PTCHD4: variants seen among roughly 807,000 people sequenced by gnomAD.
PTCHD4 encodes the protein patched domain-containing protein 4.
PTCHD4 carries 33 observed loss-of-function variants against 58.1 expected under a neutral mutation model. The observed-to-expected ratio is 0.57, with a 90% CI of 0.43 to 0.76. The LOEUF (loss-of-function observed/expected upper bound fraction) is 0.76. Ranked by LOEUF, PTCHD4 falls within the 30% of genes least tolerant of loss-of-function variation. The pLI is 0.00. For synonymous variants in PTCHD4, 478 were observed against 409.6 expected, an observed-to-expected ratio of 1.17 and a Z score of -2.02; for missense variants, 1,058 against 1,027.1, an observed-to-expected ratio of 1.03 and a Z score of -0.41.
chr6:47,971,374 C>T (rs188401205), intron 4 of PTCHD4, among the ~76,000 whole-genome samples: 4 of 152,092 alleles, frequency 2.6e-5, no homozygotes, highest in East Asian at 1.9e-4. Flanking sequence ...ATGTGAAGGT[C>T]GTCCAAATTG....
intron 4 of PTCHD4, among the ~76,000 whole-genome samples, chr6:47,884,709 G>C (rs1452146280): frequency 6.6e-6 from 1 of 152,184 alleles, no homozygotes; most frequent in Non-Finnish European, 1.5e-5. Flanking sequence ...TCAAGTTCTG[G>C]ACTTGTTTTA....
chr6:47,911,028 G>T (rs1241331682), intron 4 of PTCHD4, among the ~76,000 whole-genome samples: 1 of 152,074 alleles, frequency 6.6e-6, no homozygotes, highest in Non-Finnish European at 1.5e-5. Flanking sequence ...GCAAGTAGCT[G>T]TATGTAAAAA....
chr6:48,106,692 T>G (rs183381841), intron 1 of PTCHD4, among the ~76,000 whole-genome samples: 1 of 152,172 alleles, frequency 6.6e-6, no homozygotes, highest in East Asian at 1.9e-4. Flanking sequence ...TGATTGAATG[T>G]CTAGAAAACC....
intron 4 of PTCHD4, among the ~76,000 whole-genome samples, chr6:47,994,227 G>T (rs2114042543): frequency 6.6e-6 from 1 of 152,190 alleles, no homozygotes; most frequent in Non-Finnish European, 1.5e-5. Flanking sequence ...AGAGAAAGGT[G>T]GGAAGAAAAT....
intron 3 of PTCHD4, among the ~76,000 whole-genome samples, chr6:48,033,262 A>G (rs1436468762): frequency 6.6e-6 from 1 of 152,066 alleles, no homozygotes; most frequent in Non-Finnish European, 1.5e-5. Flanking sequence ...AGAATTTTTC[A>G]CATTTATTTC....
chr6:47,941,087 G>A (rs933986776), intron 4 of PTCHD4, among the ~76,000 whole-genome samples: 2 of 152,260 alleles, frequency 1.3e-5, no homozygotes, highest in Non-Finnish European at 1.5e-5. Context: ...AACTCAGCCC[G>A]CCTCCGTACT....
At chr6:48,060,986 A>C (rs1764607186) in intron 3 of PTCHD4, among the ~76,000 whole-genome samples, 1 of 152,222 alleles carries the variant, frequency 6.6e-6, no homozygotes, top group Non-Finnish European at 1.5e-5. Context: ...TTTCAGTGAG[A>C]GGCTCTTCCA....
chr6:47,885,604 T>A (rs2114111416), intron 4 of PTCHD4, among the ~76,000 whole-genome samples: 1 of 152,314 alleles, frequency 6.6e-6, no homozygotes, highest in Middle Eastern at 3.4e-3. Flanking sequence ...CAGAACTGGT[T>A]ATAATTCCGT....
At chr6:47,901,936 C>A in intron 4 of PTCHD4, 1 of 1,300,498 alleles carries the variant, frequency 7.7e-7, no homozygotes. Context: ...GTGGAGATGC[C>A]TTAAAAATAG....
At position 47,879,733 on chromosome 6, in the gene PTCHD4, T is replaced by C; in HGVS notation, c.1102A>G (p.Met368Val). Residue 368 changes from methionine to valine, a missense_variant, in exon 5 of 5, where the codon ATG becomes GTG. By Grantham distance (21) the Met-to-Val change is conservative (BLOSUM62 1). Transcript: ENST00000339488. ...IEAVKVFCQN[M>V]CVSILLNYFY... ...TAGTTCAACAGAATAGAGACACACATGTTTTGACAGAAGACCTTCACAGCC... is the reference window on the plus strand; with the variant it reads ...TAGTTCAACAGAATAGAGACACACACGTTTTGACAGAAGACCTTCACAGCC... 1.2e-6 allele frequency: 2 copies of C among 1,613,602 alleles called. No individual in the cohort carries two copies. The highest frequency in any genetic ancestry group is 1.7e-6 in the Non-Finnish European group (2 of 1,179,742).
chr6:47,946,414 T>A (rs1179961331), intron 4 of PTCHD4, among the ~76,000 whole-genome samples: 1 of 152,196 alleles, frequency 6.6e-6, no homozygotes, highest in African/African-American at 2.4e-5. Flanking sequence ...TCTGATAGCT[T>A]GAGCCTTTTT....
At chr6:48,002,370 C>T (rs1313108661) in intron 4 of PTCHD4, among the ~76,000 whole-genome samples, 11 of 152,188 alleles carry the variant, frequency 7.2e-5, no homozygotes, top group South Asian at 4.2e-4. Flanking sequence ...AAATGTCCAA[C>T]AATGATAGAC....
intron 3 of PTCHD4, among the ~76,000 whole-genome samples, chr6:48,035,223 A>T (rs1763589905): frequency 6.6e-6 from 1 of 152,136 alleles, no homozygotes; most frequent in African/African-American, 2.4e-5. Flanking sequence ...TACTTGGAAG[A>T]TGATAATACA....
At chr6:48,010,760 C>T (rs923889588) in intron 3 of PTCHD4, among the ~76,000 whole-genome samples, 16 of 152,152 alleles carry the variant, frequency 1.1e-4, no homozygotes, top group African/African-American at 2.9e-4. Flanking sequence ...CCACCACCCA[C>T]CGATAGGCCC....
In PTCHD4 at chr6:47,863,972, C is replaced by A. The variant is rs747852008; in HGVS notation, c.*14331G>T. Among the ~76,000 whole-genome samples, 1 of 151,954 alleles carries A rather than the reference C, an allele frequency of 6.6e-6. No homozygotes were observed. The highest frequency in any genetic ancestry group is 1.5e-5 in the Non-Finnish European group (1 of 67,918). ...GTCTTTGCACTCTTCAACTATGCAGCCTTTCAGGCCTAGTGGTGAGAAGCT... is the reference window on the plus strand; with the variant it reads ...GTCTTTGCACTCTTCAACTATGCAGACTTTCAGGCCTAGTGGTGAGAAGCT... On this transcript the variant is annotated 3_prime_UTR_variant, in exon 5 of 5. Coordinates refer to ENST00000339488, the MANE Select transcript of PTCHD4 (RefSeq NM_001384253.1).
intron 1 of PTCHD4, among the ~76,000 whole-genome samples, chr6:48,102,502 G>A (rs1288948979): frequency 1.3e-5 from 2 of 152,160 alleles, no homozygotes; most frequent in Non-Finnish European, 2.9e-5. Context: ...TGGCCAAATA[G>A]GAACAGCTCC....
chr6:47,969,893 A>G (rs964875685), intron 4 of PTCHD4, among the ~76,000 whole-genome samples: 4 of 152,212 alleles, frequency 2.6e-5, no homozygotes, highest in African/African-American at 9.6e-5. Flanking sequence ...GAGCATATCC[A>G]CAATCCAAAT....
chr6:47,905,767 G>T (rs1382878456), intron 4 of PTCHD4, among the ~76,000 whole-genome samples: 1 of 152,196 alleles, frequency 6.6e-6, no homozygotes, highest in Admixed American at 6.5e-5. Context: ...CTGAACTCTT[G>T]TCTAATTATT....
chr6:47,949,771 C>G (rs867352099), intron 4 of PTCHD4, among the ~76,000 whole-genome samples: 2 of 152,066 alleles, frequency 1.3e-5, no homozygotes, highest in Non-Finnish European at 2.9e-5. Flanking sequence ...CATGTTTTCC[C>G]CAACATTCCC....
Sources: gnomAD v4.1 joint callset for allele counts (sites outside exome capture counted in the v4.1 genomes callset) on GRCh38, gnomAD v4.1.1 for gene constraint, MANE v1.5 for transcripts, NCBI Gene and HGNC (gene_info 2026-07-23, HGNC 2026-07-21) for gene names.